The following GTF2F2 variants were observed in gnomAD, a reference collection of about 807,000 sequenced individuals.
The protein encoded by GTF2F2 is ATP-dependent helicase GTF2F2.
GTF2F2 carries 23 observed loss-of-function variants against 42.2 expected under a neutral mutation model. That is an observed-to-expected ratio of 0.55 (90% CI 0.39 to 0.77). The LOEUF (loss-of-function observed/expected upper bound fraction) is 0.77. Among genes scored for constraint, GTF2F2 ranks in the 30% least tolerant of loss-of-function variants. GTF2F2 has a pLI of 0.00. For synonymous variants in GTF2F2, 105 were observed against 100.8 expected, an observed-to-expected ratio of 1.04 and a Z score of -0.25; for missense variants, 261 against 287.2, an observed-to-expected ratio of 0.91 and a Z score of 0.66.
chr13:45,266,027 A>G (rs1475341527), intron 6 of GTF2F2, among the ~76,000 whole-genome samples: 1 of 152,234 alleles, frequency 6.6e-6, no homozygotes. Flanking sequence ...CAGAACTTGC[A>G]TATTTTAAGT....
chr13:45,150,432 A>G (rs1248015216), intron 3 of GTF2F2, among the ~76,000 whole-genome samples: 1 of 152,200 alleles, frequency 6.6e-6, no homozygotes, highest in African/African-American at 2.4e-5. Context: ...CAAAATAAAT[A>G]CATCCTCTGT....
At chr13:45,187,520 C>G (rs1055633665) in intron 4 of GTF2F2, among the ~76,000 whole-genome samples, 1 of 152,084 alleles carries the variant, frequency 6.6e-6, no homozygotes, top group Non-Finnish European at 1.5e-5. Context: ...ATACAGTCCA[C>G]CTCTTCATAA....
In GTF2F2 at chr13:45,120,724, A is replaced by G; in HGVS notation, c.66+3A>G. On this transcript the variant is annotated splice_donor_region_variant and intron_variant, in intron 1 of 7. Transcript: ENST00000340473. ...ACACAGGAGTGTGGCTAGTCAAGGTAATGTTCGCGAGTCTCCCACTTGCGC... is the reference window on the plus strand; with the variant it reads ...ACACAGGAGTGTGGCTAGTCAAGGTGATGTTCGCGAGTCTCCCACTTGCGC... 6.4e-7 allele frequency: 1 copy of G among 1,551,740 alleles called. No homozygotes were observed. The highest frequency in any genetic ancestry group is 8.7e-7 in the Non-Finnish European group (1 of 1,145,890).
chr13:45,208,121 C>G (rs1450019614), intron 5 of GTF2F2, among the ~76,000 whole-genome samples: 1 of 147,818 alleles, frequency 6.8e-6, no homozygotes, highest in Non-Finnish European at 1.5e-5. Flanking sequence ...GAGACCTTGT[C>G]TCAAAAAAAA....
At chr13:45,194,654 G>GC in intron 4 of GTF2F2, 1 of 1,223,324 alleles carries the variant, frequency 8.2e-7, no homozygotes, top group Non-Finnish European at 1.2e-6. Flanking sequence ...CCTTTATTCA[G>GC]CCCCAGCCTG....
In GTF2F2 at chr13:45,283,632, G is replaced by C; in HGVS notation, c.*71G>C. 7.2e-7 allele frequency: 1 copy of C among 1,383,316 alleles called. No homozygotes were observed. Among genetic ancestry groups the C allele is most frequent in the Non-Finnish European group, 9.7e-7 (1 of 1,029,076 alleles). The allele number at this position is 1,383,316 out of a possible 1,614,324, so 85.7% of individuals were successfully genotyped here. ...TATGCAAAAGGCGCTGATACTGGAA[G>C]GCTTGAACACCGTATGTTAATAGGG... On this transcript the variant is annotated 3_prime_UTR_variant, in exon 8 of 8. Coordinates refer to ENST00000340473, the MANE Select transcript of GTF2F2 (RefSeq NM_004128.3).
At chr13:45,185,855 T>C (rs1872395270) in intron 4 of GTF2F2, among the ~76,000 whole-genome samples, 1 of 152,238 alleles carries the variant, frequency 6.6e-6, no homozygotes, top group Non-Finnish European at 1.5e-5. Context: ...ACAGTCTTTC[T>C]TTTTTCTTTC....
intron 1 of GTF2F2, among the ~76,000 whole-genome samples, chr13:45,132,626 A>G (rs1292768835): frequency 6.6e-6 from 1 of 152,196 alleles, no homozygotes; most frequent in African/African-American, 2.4e-5. Flanking sequence ...CTTGAAGGAA[A>G]TATGTCCTTG....
At chr13:45,193,835 A>G in intron 4 of GTF2F2, 4 of 1,611,532 alleles carry the variant, frequency 2.5e-6, no homozygotes, top group Non-Finnish European at 2.5e-6. Flanking sequence ...GACCCTTTGG[A>G]ACAATCCAGG....
intron 1 of GTF2F2, among the ~76,000 whole-genome samples, chr13:45,130,302 T>A (rs1453422634): frequency 6.6e-6 from 1 of 152,224 alleles, no homozygotes; most frequent in Non-Finnish European, 1.5e-5. Flanking sequence ...CAAAATAGAA[T>A]GATGATAGGG....
chr13:45,253,751 C>G (rs1875972997), intron 6 of GTF2F2, among the ~76,000 whole-genome samples: 1 of 152,110 alleles, frequency 6.6e-6, no homozygotes, highest in Admixed American at 6.5e-5. Context: ...TAGTAGCCCT[C>G]TTGGTTAACA....
At chr13:45,212,508 T>TC (rs1555269210) in intron 5 of GTF2F2, among the ~76,000 whole-genome samples, 1 of 46,556 alleles carries the variant, frequency 2.1e-5, no homozygotes, top group African/African-American at 7.9e-5. Flanking sequence ...TCTTTCTTTC[T>TC]TTTCTTTCTT....
intron 1 of GTF2F2, among the ~76,000 whole-genome samples, chr13:45,130,547 G>C (rs932617468): frequency 6.6e-6 from 1 of 152,184 alleles, no homozygotes; most frequent in African/African-American, 2.4e-5. Flanking sequence ...AATTATTCAA[G>C]AGATGATGGT....
intron 4 of GTF2F2, among the ~76,000 whole-genome samples, chr13:45,187,057 A>G (rs1181010914): frequency 6.6e-6 from 1 of 152,168 alleles, no homozygotes; most frequent in Non-Finnish European, 1.5e-5. Flanking sequence ...TAAATGTGTT[A>G]TATTTTATAA....
At chr13:45,235,055 A>AG (rs1874891258) in intron 5 of GTF2F2, among the ~76,000 whole-genome samples, 1 of 150,072 alleles carries the variant, frequency 6.7e-6, no homozygotes, top group Non-Finnish European at 1.5e-5. Flanking sequence ...AAAAAAAAAA[A>AG]AAAAAAAAAA....
At chr13:45,123,020 G>A (rs1868742157) in intron 1 of GTF2F2, 1 of 151,964 alleles carries the variant, frequency 6.6e-6, no homozygotes, top group Admixed American at 6.6e-5. Flanking sequence ...AGGTTGCAGT[G>A]AGTCAAGATT....
chr13:45,219,241 C>G (rs980139729), intron 5 of GTF2F2: 1 of 152,052 alleles, frequency 6.6e-6, no homozygotes, highest in African/African-American at 2.4e-5. Flanking sequence ...TGCCCAAGGT[C>G]ATGATTTGTA....
intron 3 of GTF2F2, among the ~76,000 whole-genome samples, chr13:45,150,931 AT>A (rs1372861921): frequency 1.3e-5 from 2 of 152,040 alleles, no homozygotes; most frequent in Non-Finnish European, 2.9e-5. Context: ...ATAATGATAG[AT>A]TAGCCCCATT....
Position 45,263,231 on chromosome 13 carries a change from A to AT in GTF2F2, c.487-3988dup, listed in dbSNP as rs767279492. ...TTGTATGTCTGGGTTTTCAGACTAA[A>AT]TTTTTTTTTTTTTTGAGACGGAGTC... On this transcript the variant is annotated intron_variant, in intron 6 of 7. Transcript: ENST00000340473. Among the ~76,000 whole-genome samples, 230 of 144,976 alleles carry AT rather than the reference A, an allele frequency of 1.6e-3. 1 individual carries two copies. The highest frequency in any genetic ancestry group is 6.1e-3 in the South Asian group (28 of 4,600).
Sources: allele counts gnomAD v4.1 joint callset (sites outside exome capture counted in the v4.1 genomes callset), GRCh38; gene constraint gnomAD v4.1.1; transcripts MANE v1.5; gene names NCBI Gene and HGNC (gene_info 2026-07-23, HGNC 2026-07-21).